Variants in ABCC4 observed in about 807,000 individuals in gnomAD.
ABCC4 encodes ATP binding cassette subfamily C member 4 (PEL blood group), also known as ATP-binding cassette sub-family C member 4.
In ABCC4, 102 loss-of-function variants were observed where a neutral mutation model predicts 168.5. The ratio of observed to expected loss-of-function variants is 0.61; its 90% confidence interval spans 0.52 to 0.71. ABCC4 has a LOEUF of 0.71. ABCC4 is among the 30% of genes least tolerant of loss of function. The probability of loss-of-function intolerance (pLI) is 0.00; values close to 1 mark genes in which losing one functional copy is unlikely to be tolerated. For synonymous variants in ABCC4, 617 were observed against 590.7 expected (o/e 1.04, Z -0.65); for missense variants, 1,402 against 1,605.8 (o/e 0.87, Z 2.17).
intron 20 of ABCC4, among the ~76,000 whole-genome samples, chr13:95,086,954 A>G (rs182875741): frequency 5.4e-4 from 82 of 152,298 alleles, no homozygotes; most frequent in African/African-American, 1.9e-3. Flanking sequence ...TAAGCCACTG[A>G]AGAATTGTGT....
At chr13:95,063,576 G>C (rs1374296091) in intron 25 of ABCC4, among the ~76,000 whole-genome samples, 1 of 152,176 alleles carries the variant, frequency 6.6e-6, no homozygotes, top group Non-Finnish European at 1.5e-5. Flanking sequence ...AGTAACATTT[G>C]CTATTTACGT....
chr13:95,202,146 A>G (rs1445524862), intron 8 of ABCC4, among the ~76,000 whole-genome samples: 1 of 152,220 alleles, frequency 6.6e-6, no homozygotes, highest in Non-Finnish European at 1.5e-5. Flanking sequence ...GGCTCATCCA[A>G]TCAGTTGAAG....
intron 4 of ABCC4, among the ~76,000 whole-genome samples, chr13:95,217,768 C>T (rs6492769): frequency 0.75 from 113,267 of 151,940 alleles, 43,023 homozygotes; most frequent in Non-Finnish European, 0.84. Flanking sequence ...AGATGCAAAC[C>T]GCAGTTCATC....
chr13:95,165,834 C>A (rs2037253075), intron 15 of ABCC4, among the ~76,000 whole-genome samples: 1 of 152,146 alleles, frequency 6.6e-6, no homozygotes, highest in Non-Finnish European at 1.5e-5. Flanking sequence ...AAGTCGGGGG[C>A]CACCAGACTA....
chr13:95,148,071 C>T (rs1240333173), intron 19 of ABCC4, among the ~76,000 whole-genome samples: 1 of 152,156 alleles, frequency 6.6e-6, no homozygotes, highest in Non-Finnish European at 1.5e-5. Flanking sequence ...CCTTCCCAGA[C>T]TCCTATTGTT....
At chr13:95,198,852 A>AAAAC (rs2038537209) in intron 8 of ABCC4, among the ~76,000 whole-genome samples, 1 of 152,162 alleles carries the variant, frequency 6.6e-6, no homozygotes, top group South Asian at 2.1e-4. Flanking sequence ...GCAAACTAAC[A>AAAAC]CAGGAACAGA....
chr13:95,217,577 C>T (rs544952596), intron 4 of ABCC4, among the ~76,000 whole-genome samples: 1 of 152,022 alleles, frequency 6.6e-6, no homozygotes, highest in African/African-American at 2.4e-5. Flanking sequence ...ACTAAAAATA[C>T]AAAAATTAGC....
chr13:95,083,334 C>T (rs763520304), intron 20 of ABCC4, 44 bp from the exon 21 acceptor site: 10 of 1,600,336 alleles, frequency 6.2e-6, no homozygotes, highest in African/African-American at 1.4e-5. Context: ...ATCAAGTATT[C>T]TTTTCAAAAA....
At position 95,021,445 on chromosome 13, in the gene ABCC4, T is replaced by C. The variant is rs141863654; in HGVS notation, c.*130A>G. 1,354 of 566,768 alleles carry C rather than the reference T, an allele frequency of 2.4e-3. 6 individuals carry two copies. The highest frequency in any genetic ancestry group is 2.2e-3 in the Non-Finnish European group (704 of 318,394). The allele number at this position is 566,768 out of a possible 1,614,324, so 35.1% of individuals were successfully genotyped here. On this transcript the variant is annotated 3_prime_UTR_variant, in exon 31 of 31. Transcript: ENST00000645237. ...AGATCCTTGGATAAGTTGGGAGAAA[T>C]ATTCAAATGAACTAGCATCTTGTAT...
At chr13:95,223,707 G>A (rs2039371564) in intron 4 of ABCC4, among the ~76,000 whole-genome samples, 2 of 152,082 alleles carry the variant, frequency 1.3e-5, no homozygotes, top group Admixed American at 1.3e-4. Context: ...TCACCATGTT[G>A]GCCAGGCTAG....
chr13:95,064,093 C>A (rs2033402720), intron 25 of ABCC4, among the ~76,000 whole-genome samples: 1 of 151,918 alleles, frequency 6.6e-6, no homozygotes, highest in Admixed American at 6.6e-5. Context: ...GGAATTTTAT[C>A]TTTAAAGAGA....
At chr13:95,029,179 T>C (rs1242445335) in intron 30 of ABCC4, among the ~76,000 whole-genome samples, 3 of 26,296 alleles carry the variant, frequency 1.1e-4, no homozygotes, top group Non-Finnish European at 2.3e-4. Flanking sequence ...TATATATATA[T>C]ATATATATAT....
intron 4 of ABCC4, among the ~76,000 whole-genome samples, chr13:95,213,470 G>GT (rs994156333): frequency 5.9e-5 from 9 of 152,320 alleles, no homozygotes; most frequent in Middle Eastern, 3.4e-3. Context: ...AGAAGTTTCA[G>GT]TAGGGATTTA....
chr13:95,199,214 A>G (rs542853329), intron 8 of ABCC4, among the ~76,000 whole-genome samples: 131 of 152,338 alleles, frequency 8.6e-4, no homozygotes, highest in African/African-American at 3.0e-3. Flanking sequence ...GCTCTGGTCT[A>G]TCTATGGTCA....
chr13:95,164,632 C>T lies in ABCC4; in HGVS notation c.2035-114G>A, dbSNP rs1269066551. 9.9e-6 allele frequency: 11 copies of T among 1,113,412 alleles called. No homozygotes were observed. In the Admixed American group the frequency reaches 2.4e-4, roughly 24 times the overall value. The allele number at this position is 1,113,412 out of a possible 1,614,324, so 69.0% of individuals were successfully genotyped here. On this transcript the variant is annotated intron_variant, in intron 15 of 30. Coordinates refer to ENST00000645237, the MANE Select transcript of ABCC4 (RefSeq NM_005845.5). Reference sequence around the variant, plus strand: ...GAAACAGGCAGAAGTCCAAAATGATCCATCTCCTGTGGAGAAGGGTGTGGA... The same window carrying T: ...GAAACAGGCAGAAGTCCAAAATGATTCATCTCCTGTGGAGAAGGGTGTGGA...
chr13:95,212,876 C>A (rs2039001902), intron 4 of ABCC4, among the ~76,000 whole-genome samples: 1 of 152,026 alleles, frequency 6.6e-6, no homozygotes, highest in Non-Finnish European at 1.5e-5. Flanking sequence ...ACCTGTAATC[C>A]CAGCACTTTG....
chr13:95,289,286 G>A (rs1191301154), intron 1 of ABCC4, among the ~76,000 whole-genome samples: 1 of 152,198 alleles, frequency 6.6e-6, no homozygotes, highest in Non-Finnish European at 1.5e-5. Flanking sequence ...ACAAGTGTGA[G>A]ATTTCCTGTC....
intron 1 of ABCC4, among the ~76,000 whole-genome samples, chr13:95,273,878 C>T (rs567227584): frequency 8.3e-5 from 12 of 145,086 alleles, no homozygotes; most frequent in Admixed American, 7.1e-4. Flanking sequence ...TGCAGTGGCG[C>T]GATCTAGGCT....
chr13:95,249,314 C>T (rs956963539), intron 1 of ABCC4, among the ~76,000 whole-genome samples: 7 of 151,940 alleles, frequency 4.6e-5, no homozygotes, highest in African/African-American at 1.7e-4. Flanking sequence ...AAACTTCTTT[C>T]ATCTTGGCTG....
Sources: gnomAD v4.1 joint callset for allele counts (sites outside exome capture counted in the v4.1 genomes callset) on GRCh38, gnomAD v4.1.1 for gene constraint, MANE v1.5 for transcripts, NCBI Gene and HGNC (gene_info 2026-07-23, HGNC 2026-07-21) for gene names.